CCDC6: variants seen among roughly 807,000 people sequenced by gnomAD.
CCDC6 encodes coiled-coil domain-containing protein 6.
In CCDC6, 20 loss-of-function variants were observed where a neutral mutation model predicts 56.6. The ratio of observed to expected loss-of-function variants is 0.35; its 90% CI spans 0.25 to 0.51. The LOEUF (loss-of-function observed/expected upper bound fraction) is 0.51, where lower values mean the gene tolerates loss of function less well. Among genes scored for constraint, CCDC6 ranks in the 20% least tolerant of loss-of-function variants. The pLI is 0.95. For synonymous variants in CCDC6, 241 were observed against 234.4 expected (o/e 1.03, Z -0.26); for missense variants, 367 against 601.1 (o/e 0.61, Z 4.07).
intron 3 of CCDC6, among the ~76,000 whole-genome samples, chr10:59,823,633 TATCCAAA>T (rs2070764177): frequency 7.1e-6 from 1 of 141,318 alleles, no homozygotes; most frequent in African/African-American, 2.5e-5. Flanking sequence ...TAATGTGATT[TATCCAAA>T]ATGGAAGTTT....
intron 2 of CCDC6, among the ~76,000 whole-genome samples, chr10:59,844,778 G>GAC (rs2070976914): frequency 1.3e-5 from 2 of 150,002 alleles, no homozygotes; most frequent in Non-Finnish European, 3.0e-5. Context: ...GAGAGAGAGA[G>GAC]AAAATCCTTT....
intron 1 of CCDC6, among the ~76,000 whole-genome samples, chr10:59,894,156 CAAAT>C (rs1031190376): frequency 1.3e-5 from 2 of 152,184 alleles, no homozygotes; most frequent in Non-Finnish European, 2.9e-5. Flanking sequence ...TAAAAAGACA[CAAAT>C]AAATGTCTGC....
intron 3 of CCDC6, among the ~76,000 whole-genome samples, chr10:59,824,426 T>C (rs1425563246): frequency 6.6e-6 from 1 of 152,170 alleles, no homozygotes; most frequent in African/African-American, 2.4e-5. Flanking sequence ...TTATCAGCTA[T>C]TATCTGAGGT....
intron 1 of CCDC6, among the ~76,000 whole-genome samples, chr10:59,903,285 G>A (rs901839128): frequency 6.6e-6 from 1 of 152,180 alleles, no homozygotes; most frequent in Non-Finnish European, 1.5e-5. Context: ...GTAAACTCTA[G>A]ACTTTGGGTG....
At chr10:59,811,635 C>T (rs2070672551) in intron 5 of CCDC6, among the ~76,000 whole-genome samples, 1 of 152,074 alleles carries the variant, frequency 6.6e-6, no homozygotes, top group South Asian at 2.1e-4. Context: ...CTACAGCTGT[C>T]CCTCAGAACC....
chr10:59,796,926 G>A (rs1392352709), intron 7 of CCDC6, among the ~76,000 whole-genome samples: 1 of 149,056 alleles, frequency 6.7e-6, no homozygotes, highest in Non-Finnish European at 1.5e-5. Flanking sequence ...AGCTGAGATC[G>A]TGCCACTGCA....
Position 59,792,743 on chromosome 10 carries a change from C to T in CCDC6, c.*174G>A. 1 of 804,232 alleles carries T rather than the reference C, an allele frequency of 1.2e-6. No individual in the cohort carries two copies. Among genetic ancestry groups the T allele is most frequent in the Non-Finnish European group, 2.2e-6 (1 of 453,274 alleles). 49.8% of individuals were successfully genotyped at this position (804,232 alleles called of 1,614,324 possible). On this transcript the variant is annotated 3_prime_UTR_variant, in exon 9 of 9. Transcript: ENST00000263102. Reference sequence around the variant, plus strand: ...AAGTCGTCTGGTTAGTGTTGTAGACCCACAACACTGGCTGCATTTCTGACA... The same window carrying T: ...AAGTCGTCTGGTTAGTGTTGTAGACTCACAACACTGGCTGCATTTCTGACA...
chr10:59,865,843 C>A (rs564534116), intron 1 of CCDC6, among the ~76,000 whole-genome samples: 39 of 124,886 alleles, frequency 3.1e-4, no homozygotes, highest in African/African-American at 1.2e-3. Flanking sequence ...GAGAGAGACT[C>A]CATCTCCACA....
chr10:59,833,236 GT>G (rs535448934), intron 2 of CCDC6, among the ~76,000 whole-genome samples: 97 of 152,296 alleles, frequency 6.4e-4, no homozygotes, highest in African/African-American at 2.2e-3. Flanking sequence ...ACCACCTGAA[GT>G]CAGGAGTTCA....
chr10:59,799,832 G>A (rs1218292602), intron 7 of CCDC6, among the ~76,000 whole-genome samples: 3 of 152,128 alleles, frequency 2.0e-5, no homozygotes, highest in African/African-American at 4.8e-5. Context: ...ATCTCATTGT[G>A]CTTTAGATTC....
At chr10:59,902,494 C>T (rs188089766) in intron 1 of CCDC6, among the ~76,000 whole-genome samples, 113 of 151,132 alleles carry the variant, frequency 7.5e-4, no homozygotes, top group African/African-American at 2.2e-3. Context: ...CCTGGGTTCA[C>T]GCCATTCTCC....
chr10:59,890,830 C>T (rs535716873), intron 1 of CCDC6, among the ~76,000 whole-genome samples: 14 of 152,092 alleles, frequency 9.2e-5, no homozygotes, highest in Non-Finnish European at 1.5e-4. Flanking sequence ...GTGCTGCACC[C>T]GTTAACTCGT....
At chr10:59,901,622 T>A (rs2071504401) in intron 1 of CCDC6, among the ~76,000 whole-genome samples, 1 of 152,204 alleles carries the variant, frequency 6.6e-6, no homozygotes, top group Non-Finnish European at 1.5e-5. Flanking sequence ...CAGTGATTTA[T>A]TATAGGCCTT....
intron 1 of CCDC6, among the ~76,000 whole-genome samples, chr10:59,882,816 C>T (rs1199237634): frequency 2.0e-5 from 3 of 152,020 alleles, no homozygotes; most frequent in Admixed American, 6.6e-5. Context: ...AAAAATTAGC[C>T]GGGCGTGGTG....
In CCDC6 at chr10:59,882,430, G is replaced by GGGGAGAAGGAAAGGAAAGCCGGC. The variant is rs1564756065; in HGVS notation, c.303+23669_303+23691dup. Among the ~76,000 whole-genome samples, 14 of 15,668 alleles carry GGGGAGAAGGAAAGGAAAGCCGGC rather than the reference G, an allele frequency of 8.9e-4. 1 individual carries two copies. The highest frequency in any genetic ancestry group is 2.1e-3 in the Non-Finnish European group (12 of 5,782). 10.3% of individuals were successfully genotyped at this position (15,668 alleles called of 152,430 possible). A position where few individuals can be genotyped will look rare whatever the true frequency, so the allele number is the denominator to read the frequency against. On this transcript the variant is annotated intron_variant, in intron 1 of 8. Transcript: ENST00000263102. The stretch of plus-strand genomic sequence containing the variant: ...AGGGGGAGAAGGAAAGGAAAGCCAG[G>GGGGAGAAGGAAAGGAAAGCCGGC]GGGAGAAGGAAAGGAAAGCCGGCGG...
intron 1 of CCDC6, among the ~76,000 whole-genome samples, chr10:59,855,938 G>A (rs1165645852): frequency 6.6e-6 from 1 of 152,180 alleles, no homozygotes. Flanking sequence ...GGGAGGCCGA[G>A]GCTTTGGCAA....
chr10:59,866,867 G>C (rs1361980583), intron 1 of CCDC6, among the ~76,000 whole-genome samples: 1 of 152,146 alleles, frequency 6.6e-6, no homozygotes, highest in Non-Finnish European at 1.5e-5. Flanking sequence ...GTCAGTGCCT[G>C]AACATCACAA....
intron 1 of CCDC6, among the ~76,000 whole-genome samples, chr10:59,876,199 C>A (rs1053164402): frequency 1.3e-5 from 2 of 150,856 alleles, no homozygotes; most frequent in African/African-American, 2.4e-5. Flanking sequence ...AAGGCATGCA[C>A]TACCATGCCC....
intron 3 of CCDC6, among the ~76,000 whole-genome samples, chr10:59,818,313 A>G (rs533910883): frequency 6.6e-6 from 1 of 152,190 alleles, no homozygotes; most frequent in Non-Finnish European, 1.5e-5. Flanking sequence ...ACCAGCTATC[A>G]ATCTACTGCC....
Sources: allele counts gnomAD v4.1 joint callset (sites outside exome capture counted in the v4.1 genomes callset), GRCh38; gene constraint gnomAD v4.1.1; transcripts MANE v1.5; gene names NCBI Gene and HGNC (gene_info 2026-07-23, HGNC 2026-07-21).